FYN: variants seen among roughly 807,000 people sequenced by gnomAD.
The protein encoded by FYN is tyrosine-protein kinase Fyn.
FYN carries 10 observed loss-of-function variants against 70.2 expected under a neutral mutation model. That is an observed-to-expected ratio of 0.14 (90% confidence interval 0.09 to 0.24). FYN has a LOEUF of 0.24. Among genes scored for constraint, FYN ranks in the 10% least tolerant of loss-of-function variants. The probability of loss-of-function intolerance (pLI) is 1.00; values close to 1 mark genes in which losing one functional copy is unlikely to be tolerated. For missense variants in FYN, 319 were observed against 673.1 expected, an observed-to-expected ratio of 0.47 and a Z score of 5.82; for synonymous variants, 236 against 248.6, an observed-to-expected ratio of 0.95 and a Z score of 0.48.
chr6:111,856,127 T>C (rs944353164), intron 1 of FYN, among the ~76,000 whole-genome samples: 2 of 152,112 alleles, frequency 1.3e-5, no homozygotes, highest in Admixed American at 6.5e-5. Context: ...TATAAAAATA[T>C]TTGTTGAAGA....
chr6:111,806,237 G>A (rs921751385), intron 2 of FYN, among the ~76,000 whole-genome samples: 8 of 152,134 alleles, frequency 5.3e-5, no homozygotes, highest in Non-Finnish European at 1.0e-4. Context: ...GAACCTGGAC[G>A]TTGGTCAAAT....
intron 1 of FYN, among the ~76,000 whole-genome samples, chr6:111,847,945 G>A (rs9398290): frequency 0.032 from 4,823 of 152,292 alleles, 113 homozygotes; most frequent in East Asian, 0.13. Context: ...ACCTCTTCCT[G>A]GGTTCTGAGA....
At chr6:111,761,690 C>T (rs1412604559) in intron 3 of FYN, among the ~76,000 whole-genome samples, 1 of 152,162 alleles carries the variant, frequency 6.6e-6, no homozygotes, top group Non-Finnish European at 1.5e-5. Context: ...GGGGCGACAA[C>T]CACTTGGCTT....
At chr6:111,823,888 C>T (rs1332457851) in intron 2 of FYN, among the ~76,000 whole-genome samples, 1 of 152,118 alleles carries the variant, frequency 6.6e-6, no homozygotes, top group Non-Finnish European at 1.5e-5. Context: ...GAAAGAAGTT[C>T]CCATTTGTAG....
At chr6:111,789,590 T>A (rs905598460) in intron 2 of FYN, among the ~76,000 whole-genome samples, 2 of 152,230 alleles carry the variant, frequency 1.3e-5, no homozygotes, top group Non-Finnish European at 2.9e-5. Context: ...ATTCTGCTTC[T>A]ATGAGACTCA....
intron 3 of FYN, among the ~76,000 whole-genome samples, chr6:111,776,963 C>T (rs987381394): frequency 6.6e-6 from 1 of 152,230 alleles, no homozygotes; most frequent in African/African-American, 2.4e-5. Flanking sequence ...AATGAGATCT[C>T]TCTCCTCCCT....
chr6:111,781,766 T>C (rs746107427), intron 2 of FYN, among the ~76,000 whole-genome samples: 10 of 152,250 alleles, frequency 6.6e-5, no homozygotes, highest in Middle Eastern at 3.4e-3. Context: ...AACTAATACA[T>C]GAAATGCACA....
intron 2 of FYN, among the ~76,000 whole-genome samples, chr6:111,813,321 C>T (rs1205612371): frequency 6.6e-6 from 1 of 152,128 alleles, no homozygotes; most frequent in African/African-American, 2.4e-5. Flanking sequence ...ATACTCACCA[C>T]CAGAGAACCC....
At chr6:111,713,209 A>G (rs535550965) in intron 5 of FYN, among the ~76,000 whole-genome samples, 2 of 152,290 alleles carry the variant, frequency 1.3e-5, no homozygotes, top group African/African-American at 4.8e-5. Context: ...GGGGCATTCA[A>G]GAAAAGGGTG....
Position 111,694,581 on chromosome 6 carries a change from A to G in FYN, c.1119+47T>C, listed in dbSNP as rs1209239042. 1 of 1,613,818 alleles carries G rather than the reference A, an allele frequency of 6.2e-7. No individual in the cohort carries two copies. The highest frequency in any genetic ancestry group is 1.7e-5 in the Admixed American group (1 of 59,996). On this transcript the variant is annotated intron_variant, in intron 11 of 13. Transcript: ENST00000354650. The surrounding 1 kb of genome is among the most constrained non-coding windows in gnomAD (Gnocchi z 5.0). ...TTACACCACGACCCAATGTACTTAG[A>G]CACGTCATTAAATCTATGGCACATC...
In FYN at chr6:111,700,278, C is replaced by G. The variant is rs1247520375; in HGVS notation, c.698-10G>C. 1.9e-6 allele frequency: 3 copies of G among 1,613,668 alleles called. No homozygotes were observed. Among genetic ancestry groups the G allele is most frequent in the Non-Finnish European group, 2.5e-6 (3 of 1,179,886 alleles). On this transcript the variant is annotated splice_polypyrimidine_tract_variant and intron_variant, in intron 8 of 13. Coordinates refer to ENST00000354650, the MANE Select transcript of FYN (RefSeq NM_002037.5). ...AGACCTGCAGCTCTCTCTGATGGAG[C>G]AGGGCAGGGGCAGGAGAGGGAGAGA...
intron 1 of FYN, among the ~76,000 whole-genome samples, chr6:111,868,068 A>G (rs184714664): frequency 2.0e-4 from 30 of 151,760 alleles, no homozygotes; most frequent in Admixed American, 4.6e-4. Flanking sequence ...ATCTCTACTC[A>G]TCTTGCCTTC....
chr6:111,686,517 C>T (rs978611332), intron 12 of FYN, among the ~76,000 whole-genome samples: 3 of 152,186 alleles, frequency 2.0e-5, no homozygotes, highest in African/African-American at 7.2e-5. Context: ...TATGGCGGCA[C>T]CACTGAGTTG....
chr6:111,754,710 T>C (rs576948217), intron 3 of FYN: 5 of 152,250 alleles, frequency 3.3e-5, no homozygotes, highest in African/African-American at 9.6e-5. Context: ...ATGGGTTCAG[T>C]TGGTTTTGGC....
At chr6:111,788,011 T>C (rs1265988532) in intron 2 of FYN, among the ~76,000 whole-genome samples, 1 of 152,222 alleles carries the variant, frequency 6.6e-6, no homozygotes, top group Non-Finnish European at 1.5e-5. Context: ...CTGTTCTCAC[T>C]TGTCCCTCCT....
intron 5 of FYN, among the ~76,000 whole-genome samples, chr6:111,710,234 T>A (rs879841805): frequency 5.3e-5 from 8 of 152,174 alleles, no homozygotes; most frequent in Non-Finnish European, 8.8e-5. Flanking sequence ...TAGTTCTAAT[T>A]GAATTAAATT....
chr6:111,694,820 C>G lies in FYN; in HGVS notation c.1043-116G>C. On this transcript the variant is annotated intron_variant, in intron 10 of 13. Coordinates refer to ENST00000354650, the MANE Select transcript of FYN (RefSeq NM_002037.5). The surrounding 1 kb of genome is among the most constrained non-coding windows in gnomAD (Gnocchi z 5.0). ...GGTAGTCAAATGGAATAATGCCATC[C>G]ACATGGGGGGACAAAAAGGTTTATA... is the stretch of plus-strand genomic sequence containing the variant. 1.2e-6 allele frequency: 1 copy of G among 831,234 alleles called. No homozygotes were observed. Among genetic ancestry groups the G allele is most frequent in the East Asian group, 2.6e-5 (1 of 38,874 alleles). The allele number at this position is 831,234 out of a possible 1,614,324, so 51.5% of individuals were successfully genotyped here. A position where few individuals can be genotyped will look rare whatever the true frequency, so the allele number is the denominator to read the frequency against.
intron 1 of FYN, among the ~76,000 whole-genome samples, chr6:111,855,016 T>C (rs539881400): frequency 6.6e-6 from 1 of 152,340 alleles, no homozygotes; most frequent in South Asian, 2.1e-4. Flanking sequence ...TTGTTCCAAA[T>C]TGATTTTGCT....
chr6:111,826,366 G>GTATA (rs1293114646), intron 2 of FYN, among the ~76,000 whole-genome samples: 1 of 147,520 alleles, frequency 6.8e-6, no homozygotes, highest in Non-Finnish European at 1.5e-5. Context: ...ATGTGTATAT[G>GTATA]TGTATGTATG....
Sources: gnomAD v4.1 joint callset for allele counts (sites outside exome capture counted in the v4.1 genomes callset) on GRCh38, gnomAD v4.1.1 for gene constraint, Gnocchi (gnomAD v3.1) non-coding constraint, MANE v1.5 for transcripts, NCBI Gene and HGNC (gene_info 2026-07-23, HGNC 2026-07-21) for gene names.